UBR3: variants seen among roughly 807,000 people sequenced by gnomAD.
UBR3 encodes E3 ubiquitin-protein ligase UBR3.
In UBR3, 85 loss-of-function variants were observed where a neutral mutation model predicts 243.2. That is an observed-to-expected ratio of 0.35 (90% CI 0.29 to 0.42). The LOEUF (loss-of-function observed/expected upper bound fraction) is 0.42, where lower values mean the gene tolerates loss of function less well. UBR3 is among the 10% of genes least tolerant of loss of function. UBR3 has a pLI of 1.00. For synonymous variants in UBR3, 748 were observed against 799.8 expected (o/e 0.94, Z 1.09); for missense variants, 1,686 against 2,300.8 (o/e 0.73, Z 5.47).
chr2:169,927,024 C>A, intron 16 of UBR3, 53 bp downstream of exon 16: 1 of 1,524,208 alleles, frequency 6.6e-7, no homozygotes, highest in South Asian at 1.2e-5. Flanking sequence ...CTCCCTTTCT[C>A]CCCCTCCCTG....
chr2:169,895,792 T>C (rs752478871), intron 7 of UBR3, among the ~76,000 whole-genome samples: 37 of 152,196 alleles, frequency 2.4e-4, no homozygotes, highest in Non-Finnish European at 4.1e-4. Context: ...GCAGGTGAAG[T>C]TTCTAGTCCC....
chr2:169,852,420 TG>T (rs2105293983), intron 1 of UBR3, among the ~76,000 whole-genome samples: 1 of 152,330 alleles, frequency 6.6e-6, no homozygotes, highest in African/African-American at 2.4e-5. Context: ...GTAAATAAAA[TG>T]TTATTGGAAC....
intron 19 of UBR3, among the ~76,000 whole-genome samples, chr2:169,937,040 A>C (rs1318816371): frequency 1.3e-5 from 2 of 152,192 alleles, no homozygotes; most frequent in East Asian, 3.8e-4. Context: ...TATACCCAGT[A>C]ATAGGATGGC....
At chr2:169,992,509 C>G (rs183887161) in intron 25 of UBR3, among the ~76,000 whole-genome samples, 1 of 152,160 alleles carries the variant, frequency 6.6e-6, no homozygotes, top group Non-Finnish European at 1.5e-5. Flanking sequence ...CAACAAAATT[C>G]TAGCAAACTG....
Position 169,958,503 on chromosome 2 carries a change from T to G in UBR3, c.3611T>G (p.Phe1204Cys). 1 of 1,612,996 alleles carries G rather than the reference T, an allele frequency of 6.2e-7. No individual in the cohort carries two copies. Among genetic ancestry groups the G allele is most frequent in the Non-Finnish European group, 8.5e-7 (1 of 1,179,262 alleles). The change falls in exon 24 of 39, where the codon TTT becomes TGT. Residue 1204 changes from phenylalanine to cysteine, a missense_variant. Transcript: ENST00000272793. Reference sequence around the variant, plus strand: ...GAGTTTGCTTCACGACAGAAAAGCTTTATGGAAACTGCAATGGATGTTGGT... The same window carrying G: ...GAGTTTGCTTCACGACAGAAAAGCTGTATGGAAACTGCAATGGATGTTGGT... ...LAEFASRQKS[F>C]METAMDVDSP...
At chr2:169,926,609 C>T in intron 14 of UBR3, 83 bp from the exon 15 acceptor site, 3 of 898,458 alleles carry the variant, frequency 3.3e-6, no homozygotes, top group Non-Finnish European at 4.8e-6. Flanking sequence ...AAACAAAAAA[C>T]AAAAAAAAGT....
At chr2:169,928,974 G>A (rs10165565) in intron 18 of UBR3, 106 bp downstream of exon 18, 253,103 of 1,021,864 alleles carry the variant, frequency 0.25, 32,498 homozygotes, top group East Asian at 0.41. Context: ...TCAAGCTTTG[G>A]TTTTCTTTTC....
chr2:169,935,949 A>G (rs1008389283), intron 19 of UBR3, among the ~76,000 whole-genome samples: 9 of 152,384 alleles, frequency 5.9e-5, no homozygotes, highest in Middle Eastern at 3.4e-3. Flanking sequence ...TTTATGCTAA[A>G]TGAAATAGAA....
intron 24 of UBR3, among the ~76,000 whole-genome samples, chr2:169,972,176 AATTCCTC>A (rs2088186816): frequency 6.6e-6 from 1 of 152,210 alleles, no homozygotes; most frequent in Non-Finnish European, 1.5e-5. Context: ...GAAATTGATA[AATTCCTC>A]GACACATACA....
chr2:169,852,327 T>C (rs552498178), intron 1 of UBR3, among the ~76,000 whole-genome samples: 18 of 152,374 alleles, frequency 1.2e-4, no homozygotes, highest in African/African-American at 3.4e-4. Flanking sequence ...TTGTGTTTTC[T>C]TTTCTATGGC....
chr2:169,971,537 T>A (rs1160600626), intron 24 of UBR3, among the ~76,000 whole-genome samples: 5 of 151,956 alleles, frequency 3.3e-5, no homozygotes, highest in Non-Finnish European at 7.4e-5. Context: ...TTCAGCTTTC[T>A]ACATATGGCT....
At chr2:169,984,738 C>T (rs1237183023) in intron 24 of UBR3, among the ~76,000 whole-genome samples, 1 of 152,006 alleles carries the variant, frequency 6.6e-6, no homozygotes, top group Non-Finnish European at 1.5e-5. Context: ...GTGACTTTTC[C>T]TCCTCTTTTC....
At chr2:170,073,369 T>G (rs1349721494) in intron 35 of UBR3, 59 bp from the exon 36 acceptor site, 2 of 1,593,528 alleles carry the variant, frequency 1.3e-6, no homozygotes, top group Non-Finnish European at 1.7e-6. Context: ...TGACCTTTTA[T>G]GTAATAGGAA....
chr2:169,951,830 C>T (rs1016155631), intron 23 of UBR3, among the ~76,000 whole-genome samples: 3 of 151,888 alleles, frequency 2.0e-5, no homozygotes, highest in Non-Finnish European at 2.9e-5. Flanking sequence ...TTAGCAGGTA[C>T]AAGTTGTTAG....
At chr2:169,912,383 C>T (rs1407602084) in intron 10 of UBR3, among the ~76,000 whole-genome samples, 4 of 152,174 alleles carry the variant, frequency 2.6e-5, no homozygotes, top group African/African-American at 4.8e-5. Flanking sequence ...CCCCTCATCT[C>T]TTGGAAACCA....
chr2:170,045,584 C>CTTA (rs1173585846), intron 32 of UBR3, among the ~76,000 whole-genome samples: 1 of 152,150 alleles, frequency 6.6e-6, no homozygotes, highest in Non-Finnish European at 1.5e-5. Context: ...TTGAATCCTG[C>CTTA]TTATTATTTT....
rs567526204 is a variant in UBR3 at position 170,009,149 on chromosome 2, G to A, written c.4367+209G>A. On this transcript the variant is annotated intron_variant, in intron 29 of 38. Transcript: ENST00000272793. ...ATTTTAATGAAATATTTGCATAAAT[G>A]TTACTAAACATTATAGTACATGGGG... is the stretch of plus-strand genomic sequence containing the variant. Among the ~76,000 whole-genome samples the A allele has an allele frequency of 4.6e-5, 7 of 152,116 alleles. No homozygotes were observed. In the South Asian group the frequency reaches 1.5e-3, roughly 32 times the overall value.
chr2:170,000,519 C>G (rs938877844), intron 26 of UBR3, among the ~76,000 whole-genome samples: 6 of 152,196 alleles, frequency 3.9e-5, no homozygotes, highest in African/African-American at 7.2e-5. Flanking sequence ...TAGAATGACT[C>G]TTGGCTTTCT....
At chr2:169,989,282 C>G (rs1424980601) in intron 25 of UBR3, among the ~76,000 whole-genome samples, 2 of 150,642 alleles carry the variant, frequency 1.3e-5, no homozygotes, top group East Asian at 1.9e-4. Flanking sequence ...TTCCCATTGT[C>G]TCTATTTATT....
Sources: allele counts gnomAD v4.1 joint callset (sites outside exome capture counted in the v4.1 genomes callset), GRCh38; gene constraint gnomAD v4.1.1; transcripts MANE v1.5; gene names NCBI Gene and HGNC (gene_info 2026-07-23, HGNC 2026-07-21).